CACTIN: variants seen among roughly 807,000 people sequenced by gnomAD.
CACTIN encodes the protein splicing factor Cactin.
Under a neutral mutation model 84.9 loss-of-function variants are expected in CACTIN, and 20 were observed. That is an observed-to-expected ratio of 0.24 (90% CI 0.17 to 0.34). The LOEUF (loss-of-function observed/expected upper bound fraction) is 0.34, where lower values mean the gene tolerates loss of function less well. Ranked by LOEUF, CACTIN falls within the 10% of genes least tolerant of loss-of-function variation. The probability of loss-of-function intolerance (pLI) is 1.00; values close to 1 mark genes in which losing one functional copy is unlikely to be tolerated. For synonymous variants in CACTIN, 549 were observed against 467.9 expected (o/e 1.17, Z -2.24); for missense variants, 897 against 1,117.2 (o/e 0.80, Z 2.81).
rs776387478 is a variant in CACTIN at position 3,620,812 on chromosome 19, C to G, written c.643-10G>C. On this transcript the variant is annotated splice_polypyrimidine_tract_variant and intron_variant, in intron 2 of 9. Transcript: ENST00000429344. ...CCTTCTTCTCCAGGGCCTGGAAGCACCAGGCACACCTGCCCTGAGCACAGA... is the reference window on the plus strand; with the variant it reads ...CCTTCTTCTCCAGGGCCTGGAAGCAGCAGGCACACCTGCCCTGAGCACAGA... 3.1e-6 allele frequency: 5 copies of G among 1,609,204 alleles called. No individual in the cohort carries two copies. In the South Asian group the frequency reaches 5.5e-5, roughly 18 times the overall value.
In CACTIN at chr19:3,610,838, C is replaced by T. The variant is rs1189362443; in HGVS notation, c.*1085G>A. Reference sequence around the variant, plus strand: ...TGGTGACTGGTGAGGTTGGGTGGCCCTCTGGGGGTCCGGGAGGCACTTTCC... The same window carrying T: ...TGGTGACTGGTGAGGTTGGGTGGCCTTCTGGGGGTCCGGGAGGCACTTTCC... On this transcript the variant is annotated 3_prime_UTR_variant, in exon 10 of 10. Transcript: ENST00000429344. 2 of 456,646 alleles carry T rather than the reference C, an allele frequency of 4.4e-6. No homozygotes were observed. Among genetic ancestry groups the T allele is most frequent in the African/African-American group, 4.0e-5 (2 of 50,064 alleles). The allele number at this position is 456,646 out of a possible 1,614,324, so 28.3% of individuals were successfully genotyped here. A position where few individuals can be genotyped will look rare whatever the true frequency, so the allele number is the denominator to read the frequency against.
chr19:3,614,691 T>C lies in CACTIN; in HGVS notation c.1163-102A>G, dbSNP rs2033066068. 4 of 899,072 alleles carry C rather than the reference T, an allele frequency of 4.4e-6. No individual in the cohort carries two copies. In the East Asian group the frequency reaches 1.1e-4, roughly 24 times the overall value. 55.7% of individuals were successfully genotyped at this position (899,072 alleles called of 1,614,324 possible). On this transcript the variant is annotated intron_variant, in intron 6 of 9. Coordinates refer to ENST00000429344, the MANE Select transcript of CACTIN (RefSeq NM_001080543.2). ...CTGCCATGGGGGGGTCCCCCTCCCC[T>C]CCTCTTCCCCCACAGGGGTCCCATC...
intron 6 of CACTIN, chr19:3,614,851 G>C: frequency 1.8e-6 from 1 of 552,158 alleles, no homozygotes; most frequent in Non-Finnish European, 3.3e-6. Flanking sequence ...CCCCCAGCGT[G>C]GGGGAGGCCA....
intron 7 of CACTIN, 150 bp downstream of exon 7, chr19:3,614,247 G>T (rs2033053326): frequency 6.1e-6 from 5 of 823,904 alleles, no homozygotes; most frequent in African/African-American, 1.7e-5. Context: ...TCACTCACAG[G>T]CTGGCCCCGG....
intron 2 of CACTIN, among the ~76,000 whole-genome samples, chr19:3,621,943 TGC>T (rs1038208849): frequency 5.9e-5 from 9 of 152,076 alleles, no homozygotes; most frequent in African/African-American, 2.2e-4. Context: ...GGCGAGCAGG[TGC>T]AGTCGGCCCA....
intron 3 of CACTIN, 193 bp downstream of exon 3, chr19:3,620,514 G>T (rs1380340236): frequency 1.5e-6 from 1 of 663,148 alleles, no homozygotes. Context: ...GGGAGTGAAG[G>T]CCCGAGGCCA....
intron 1 of CACTIN, among the ~76,000 whole-genome samples, chr19:3,625,406 T>C (rs775874662): frequency 1.3e-5 from 2 of 151,848 alleles, no homozygotes; most frequent in Non-Finnish European, 2.9e-5. Context: ...TACCAGAAAA[T>C]GGTAGGCGAA....
In CACTIN at chr19:3,615,290, T is replaced by TGGGAGGC. The variant is rs1249696487; in HGVS notation, c.1163-708_1163-702dup. On this transcript the variant is annotated intron_variant, in intron 6 of 9. Coordinates refer to ENST00000429344, the MANE Select transcript of CACTIN (RefSeq NM_001080543.2). This position sits in a 1 kb window ranked among gnomAD's most constrained non-coding sequence, Gnocchi z 5.2. ...GCTGCTGAGGGCGGGAGTGGGGTGC[T>TGGGAGGC]GGGAGGCTGGAGCCTAGCCTGACTC... 6.4e-6 allele frequency: 1 copy of TGGGAGGC among 155,982 alleles called. No individual in the cohort carries two copies. Among genetic ancestry groups the TGGGAGGC allele is most frequent in the East Asian group, 1.9e-4 (1 of 5,218 alleles). 9.7% of individuals were successfully genotyped at this position (155,982 alleles called of 1,614,324 possible).
chr19:3,619,987 G>C (rs2033189064), intron 4 of CACTIN, 140 bp downstream of exon 4: 1 of 1,007,040 alleles, frequency 9.9e-7, no homozygotes, highest in African/African-American at 1.6e-5. Context: ...TGCCGCCCGG[G>C]AAGGGGTCAG....
chr19:3,619,700 G>A (rs1182177274), intron 4 of CACTIN, among the ~76,000 whole-genome samples: 7 of 152,246 alleles, frequency 4.6e-5, no homozygotes, highest in East Asian at 1.9e-4. Flanking sequence ...CGTTGCAGGC[G>A]GGCCCTGGTC....
intron 7 of CACTIN, 91 bp from the exon 8 acceptor site, chr19:3,613,677 G>T: frequency 5.3e-6 from 8 of 1,502,526 alleles, no homozygotes; most frequent in Non-Finnish European, 7.1e-6. Flanking sequence ...ATTGCTGCAA[G>T]GACCCTGAGA....
chr19:3,622,734 T>C (rs1035542099), intron 2 of CACTIN, among the ~76,000 whole-genome samples: 4 of 152,204 alleles, frequency 2.6e-5, no homozygotes, highest in Non-Finnish European at 5.9e-5. Context: ...TAAGTTCTGT[T>C]GTCTTATGCC....
In CACTIN at chr19:3,613,382, T is replaced by C. The variant is rs776026541; in HGVS notation, c.1479-17A>G. On this transcript the variant is annotated splice_polypyrimidine_tract_variant and intron_variant, in intron 8 of 9. Transcript: ENST00000429344. ...GGCTCCAGGCTGGGAGGAGAGAGCG[T>C]TGGAGGCGCGGAGGCTGCCCACGGC... The C allele has an allele frequency of 7.2e-6, 11 of 1,529,168 alleles. No individual in the cohort carries two copies. In the East Asian group the frequency reaches 1.2e-4, roughly 17 times the overall value. The allele number at this position is 1,529,168 out of a possible 1,614,324, so 94.7% of individuals were successfully genotyped here. A position where few individuals can be genotyped will look rare whatever the true frequency, so the allele number is the denominator to read the frequency against.
At chr19:3,624,670 C>T (rs1393733896) in intron 1 of CACTIN, among the ~76,000 whole-genome samples, 1 of 151,912 alleles carries the variant, frequency 6.6e-6, no homozygotes, top group Non-Finnish European at 1.5e-5. Context: ...GCTGGTGGCG[C>T]AGGAATTATA....
chr19:3,616,165 T>C (rs527627472), intron 6 of CACTIN: 1 of 151,790 alleles, frequency 6.6e-6, no homozygotes, highest in South Asian at 2.1e-4. Flanking sequence ...TGGGGCTGCG[T>C]GGGGGAAAGG....
rs550873554 is a variant in CACTIN at position 3,617,666 on chromosome 19, G to A, written c.1162+1209C>T. On this transcript the variant is annotated intron_variant, in intron 6 of 9. Coordinates refer to ENST00000429344, the MANE Select transcript of CACTIN (RefSeq NM_001080543.2). The stretch of plus-strand genomic sequence containing the variant: ...CGGGGCCTAGGGCAACGCTGGAAAC[G>A]CCTCCCAGGCTTCCTGCAGCCGGTG... 7.6e-4 allele frequency among the ~76,000 whole-genome samples: 116 copies of A among 152,342 alleles called. 1 individual carries two copies. Among genetic ancestry groups the A allele is most frequent in the Non-Finnish European group, 3.7e-4 (25 of 68,032 alleles).
At chr19:3,614,270 T>C (rs1295968554) in intron 7 of CACTIN, 127 bp downstream of exon 7, 5 of 1,008,250 alleles carry the variant, frequency 5.0e-6, no homozygotes, top group African/African-American at 4.8e-5. Flanking sequence ...AGTCGGCACT[T>C]TCCTGCCCCT....
rs1219446102 is a variant in CACTIN, at chr19:3,610,876, T to C, written c.*1047A>G. On this transcript the variant is annotated 3_prime_UTR_variant, in exon 10 of 10. Coordinates refer to ENST00000429344, the MANE Select transcript of CACTIN (RefSeq NM_001080543.2). ...GGAGGCACTTTCCGTTTTGCTTCTG[T>C]TGGAGATGTTCCCGTCGGATGCTGA... The C allele has an allele frequency of 2.2e-6, 1 of 456,760 alleles. No individual in the cohort carries two copies. The highest frequency in any genetic ancestry group is 4.4e-6 in the Non-Finnish European group (1 of 226,970). The allele number at this position is 456,760 out of a possible 1,614,324, so 28.3% of individuals were successfully genotyped here.
intron 9 of CACTIN, 141 bp from the exon 10 acceptor site, chr19:3,612,554 G>T: frequency 7.9e-7 from 1 of 1,264,224 alleles, no homozygotes; most frequent in Non-Finnish European, 1.1e-6. Context: ...CATGGGGAGG[G>T]GACAGGGCCT....
Sources: allele counts gnomAD v4.1 joint callset (sites outside exome capture counted in the v4.1 genomes callset), GRCh38; gene constraint gnomAD v4.1.1; non-coding constraint Gnocchi (gnomAD v3.1); transcripts MANE v1.5; gene names NCBI Gene and HGNC (gene_info 2026-07-23, HGNC 2026-07-21).